GABRA2: variants seen among roughly 807,000 people sequenced by gnomAD.
The protein encoded by GABRA2 is gamma-aminobutyric acid receptor subunit alpha-2.
A neutral mutation model predicts 48.7 loss-of-function variants in GABRA2; 16 were observed. The ratio of observed to expected loss-of-function variants is 0.33; its 90% CI spans 0.22 to 0.50. The LOEUF (loss-of-function observed/expected upper bound fraction) is 0.50, where lower values mean the gene tolerates loss of function less well. GABRA2 is among the 20% of genes least tolerant of loss of function. The probability of loss-of-function intolerance (pLI) is 0.98; values close to 1 mark genes in which losing one functional copy is unlikely to be tolerated. For missense variants in GABRA2, 275 were observed against 535.6 expected (o/e 0.51, Z 4.80); for synonymous variants, 185 against 184.5 (o/e 1.00, Z -0.02).
intron 3 of GABRA2, among the ~76,000 whole-genome samples, chr4:46,338,504 C>T (rs1418338880): frequency 2.0e-5 from 3 of 151,848 alleles, no homozygotes; most frequent in South Asian, 4.1e-4. Flanking sequence ...AAAAATCAGG[C>T]ATTCATTATT....
At chr4:46,365,739 A>C (rs781454859) in intron 3 of GABRA2, 3 of 152,120 alleles carry the variant, frequency 2.0e-5, no homozygotes, top group African/African-American at 4.8e-5. Flanking sequence ...ACCAGAATAC[A>C]AACCCTGGTT....
chr4:46,387,279 T>A (rs986840659), intron 2 of GABRA2, among the ~76,000 whole-genome samples: 7 of 152,198 alleles, frequency 4.6e-5, no homozygotes, highest in Non-Finnish European at 1.0e-4. Flanking sequence ...TAATGGATTG[T>A]CCACTCTTTT....
intron 3 of GABRA2, among the ~76,000 whole-genome samples, chr4:46,356,414 T>G (rs1278640880): frequency 1.4e-5 from 2 of 139,448 alleles, no homozygotes; most frequent in African/African-American, 5.6e-5. Context: ...TGCAATTATC[T>G]GGGGATATGG....
chr4:46,321,160 G>GA (rs972650379), intron 4 of GABRA2, among the ~76,000 whole-genome samples: 1 of 151,780 alleles, frequency 6.6e-6, no homozygotes, highest in Non-Finnish European at 1.5e-5. Flanking sequence ...CTTACATGTG[G>GA]AAAAAAGGAA....
rs1731195133 is a variant in GABRA2, at chr4:46,330,613, T to C, written c.255+2002A>G. ...ATATAGAGAGAGAGAGAGAGAGATG[T>C]TTTAGGTAAAATAATTCACTTTGCA... On this transcript the variant is annotated intron_variant, in intron 4 of 9. Transcript: ENST00000381620. 2.7e-5 allele frequency among the ~76,000 whole-genome samples: 3 copies of C among 113,028 alleles called. No homozygotes were observed. In the South Asian group the frequency reaches 8.4e-4, roughly 32 times the overall value. 74.2% of individuals were successfully genotyped at this position (113,028 alleles called of 152,430 possible).
intron 8 of GABRA2, among the ~76,000 whole-genome samples, chr4:46,295,383 T>A (rs899160114): frequency 6.6e-6 from 1 of 152,212 alleles, no homozygotes; most frequent in African/African-American, 2.4e-5. Flanking sequence ...GAGGAAGAAG[T>A]ATGTGGATGG....
chr4:46,354,929 G>C (rs1364574347), intron 3 of GABRA2, among the ~76,000 whole-genome samples: 10 of 150,232 alleles, frequency 6.7e-5, no homozygotes, highest in Admixed American at 1.3e-4. Context: ...GGCTCCACCT[G>C]TGTCTCAGAT....
chr4:46,305,710 A>G lies in GABRA2; in HGVS notation c.561T>C (p.Tyr187=). Residue 187 remains tyrosine, a splice_region_variant and synonymous_variant, in exon 7 of 10, where the codon TAT becomes TAC. Coordinates refer to ENST00000381620, the MANE Select transcript of GABRA2 (RefSeq NM_000807.4). ...AHSCPLKFGS[Y]AYTTSEVTYI... is the part of the protein sequence containing the mutation. ...AAGTGACCTCTGAAGTTGTATATGC[A>G]TCTATAGGAAATCAGAAAAAATATT... 6.2e-7 allele frequency: 1 copy of G among 1,602,058 alleles called. No individual in the cohort carries two copies. Among genetic ancestry groups the G allele is most frequent in the South Asian group, 1.1e-5 (1 of 89,608 alleles).
chr4:46,379,964 C>T (rs1166072472), intron 3 of GABRA2, among the ~76,000 whole-genome samples: 1 of 152,134 alleles, frequency 6.6e-6, no homozygotes, highest in East Asian at 1.9e-4. Flanking sequence ...CTCTCTCTCT[C>T]GATGTCTCCA....
chr4:46,273,363 T>C (rs997142888), intron 8 of GABRA2, among the ~76,000 whole-genome samples: 1 of 140,732 alleles, frequency 7.1e-6, no homozygotes, highest in African/African-American at 2.6e-5. Context: ...CACTTTCTTC[T>C]TTCTCTCTCT....
intron 8 of GABRA2, among the ~76,000 whole-genome samples, chr4:46,288,077 T>C (rs1560480125): frequency 6.6e-6 from 1 of 152,192 alleles, no homozygotes; most frequent in East Asian, 1.9e-4. Context: ...ATGAGAAACA[T>C]CCACCCCCAT....
At chr4:46,304,029 T>A (rs1430820164) in intron 7 of GABRA2, among the ~76,000 whole-genome samples, 2 of 152,192 alleles carry the variant, frequency 1.3e-5, no homozygotes, top group African/African-American at 4.8e-5. Flanking sequence ...TTTGTTTTTT[T>A]TTAATTTGGA....
chr4:46,301,310 A>T (rs1208224138), intron 8 of GABRA2, among the ~76,000 whole-genome samples: 1 of 152,214 alleles, frequency 6.6e-6, no homozygotes, highest in Non-Finnish European at 1.5e-5. Flanking sequence ...ATCAACCTCA[A>T]CAAAATGGTT....
intron 6 of GABRA2, among the ~76,000 whole-genome samples, chr4:46,307,780 A>C (rs1414481080): frequency 1.3e-5 from 2 of 152,324 alleles, no homozygotes; most frequent in East Asian, 3.9e-4. Context: ...CTTTTGAAAA[A>C]GCAGTTACTG....
At chr4:46,267,755 A>G (rs887088536) in intron 8 of GABRA2, among the ~76,000 whole-genome samples, 17 of 152,044 alleles carry the variant, frequency 1.1e-4, no homozygotes, top group African/African-American at 3.9e-4. Flanking sequence ...AGAATATGTA[A>G]TCATTAGCTA....
chr4:46,298,825 T>C (rs1414245634), intron 8 of GABRA2, among the ~76,000 whole-genome samples: 2 of 151,900 alleles, frequency 1.3e-5, no homozygotes. Flanking sequence ...TAATATATTG[T>C]ATGTGACTCA....
intron 4 of GABRA2, among the ~76,000 whole-genome samples, chr4:46,314,252 G>A (rs754685699): frequency 1.3e-5 from 2 of 152,046 alleles, no homozygotes; most frequent in Non-Finnish European, 1.5e-5. Flanking sequence ...GACTGCATAT[G>A]ATTCTTGGTT....
chr4:46,287,003 A>G (rs1376234525), intron 8 of GABRA2, among the ~76,000 whole-genome samples: 1 of 152,200 alleles, frequency 6.6e-6, no homozygotes, highest in Admixed American at 6.5e-5. Context: ...TGTTAGATCT[A>G]AGAATTCATT....
intron 3 of GABRA2, among the ~76,000 whole-genome samples, chr4:46,384,088 C>G (rs1302013569): frequency 2.7e-4 from 41 of 152,122 alleles, no homozygotes; most frequent in African/African-American, 4.8e-5. Flanking sequence ...GCCACAGAAA[C>G]AGAGGTGATA....
Sources: gnomAD v4.1 joint callset for allele counts (sites outside exome capture counted in the v4.1 genomes callset) on GRCh38, gnomAD v4.1.1 for gene constraint, MANE v1.5 for transcripts, NCBI Gene and HGNC (gene_info 2026-07-23, HGNC 2026-07-21) for gene names.